The following LRRC7 variants were observed in gnomAD, a reference collection of about 807,000 sequenced individuals.
LRRC7 encodes the protein leucine rich repeat containing 7.
Under a neutral mutation model 175.7 loss-of-function variants are expected in LRRC7, and 23 were observed. The observed-to-expected ratio is 0.13, with a 90% CI of 0.09 to 0.19. The LOEUF (loss-of-function observed/expected upper bound fraction) is 0.19, where lower values mean the gene tolerates loss of function less well. Among genes scored for constraint, LRRC7 ranks in the 10% least tolerant of loss-of-function variants. The pLI, the probability that LRRC7 is intolerant of heterozygous loss-of-function variation, is 1.00. For synonymous variants in LRRC7, 685 were observed against 680.9 expected (o/e 1.01, Z -0.09); for missense variants, 1,354 against 1,904.7 (o/e 0.71, Z 5.38).
chr1:70,054,968 C>G (rs1661041525), intron 23 of LRRC7, among the ~76,000 whole-genome samples: 1 of 152,152 alleles, frequency 6.6e-6, no homozygotes, highest in Non-Finnish European at 1.5e-5. Flanking sequence ...CATACTTACA[C>G]TCTTTGTTAC....
rs1570313773 is a variant in LRRC7 at position 69,849,572 on chromosome 1, T to C, written c.647+11289T>C. Reference sequence around the variant, plus strand: ...ATTTTAAAATATATGTATTTTAATATATATACTTTAGTTTTATAAAAGGAA... The same window carrying C: ...ATTTTAAAATATATGTATTTTAATACATATACTTTAGTTTTATAAAAGGAA... On this transcript the variant is annotated intron_variant, in intron 7 of 26. Coordinates refer to ENST00000651989, the MANE Select transcript of LRRC7 (RefSeq NM_001370785.2). 2.0e-5 allele frequency among the ~76,000 whole-genome samples: 3 copies of C among 152,070 alleles called. No individual in the cohort carries two copies. In the South Asian group the frequency reaches 6.2e-4, roughly 32 times the overall value.
intron 25 of LRRC7, 72 bp downstream of exon 25, chr1:70,089,891 A>T: frequency 1.7e-6 from 2 of 1,156,530 alleles, no homozygotes; most frequent in South Asian, 2.8e-5. Context: ...AAGGTTAGAA[A>T]AAAATTCAAG....
chr1:69,910,347 C>T (rs533649359), intron 7 of LRRC7, among the ~76,000 whole-genome samples: 24 of 152,232 alleles, frequency 1.6e-4, no homozygotes, highest in South Asian at 1.2e-3. Flanking sequence ...ATGATGGTGA[C>T]GTACAGAAGG....
chr1:70,036,324 C>T, intron 19 of LRRC7, 92 bp downstream of exon 19: 1 of 1,382,034 alleles, frequency 7.2e-7, no homozygotes, highest in Non-Finnish European at 1.0e-6. Flanking sequence ...ATATTCTATA[C>T]AAATGTTTTA....
In LRRC7 at chr1:70,128,628, C is replaced by T. The variant is rs1666542915; in HGVS notation, c.*6741C>T. 1 of 151,946 alleles carries T rather than the reference C, an allele frequency of 6.6e-6. No homozygotes were observed. Among genetic ancestry groups the T allele is most frequent in the Admixed American group, 6.6e-5 (1 of 15,250 alleles). 9.4% of individuals were successfully genotyped at this position (151,946 alleles called of 1,614,324 possible). On this transcript the variant is annotated 3_prime_UTR_variant, in exon 27 of 27. Coordinates refer to ENST00000651989, the MANE Select transcript of LRRC7 (RefSeq NM_001370785.2). ...GGAGACATTTCATTGAAGAATATAA[C>T]AAAAACATTAAATATTATGATTATA...
rs1169678453 is a variant in LRRC7 at position 69,717,838 on chromosome 1, GAAAAA to G, written c.100+39362_100+39366del. Among the ~76,000 whole-genome samples the G allele has an allele frequency of 2.6e-3, 77 of 29,170 alleles. 8 individuals are homozygous for G. The highest frequency in any genetic ancestry group is 6.4e-3 in the East Asian group (7 of 1,098). 19.1% of individuals were successfully genotyped at this position (29,170 alleles called of 152,430 possible). A position where few individuals can be genotyped will look rare whatever the true frequency, so the allele number is the denominator to read the frequency against. On this transcript the variant is annotated intron_variant, in intron 2 of 26. Coordinates refer to ENST00000651989, the MANE Select transcript of LRRC7 (RefSeq NM_001370785.2). ...AGAAAGAAAGAAAGAAAGAAAGAAA[GAAAAA>G]AGAAAGAAAGGAAAGAAAGAAAGAA... is the stretch of plus-strand genomic sequence containing the variant.
chr1:69,968,826 G>T (rs974633923), intron 8 of LRRC7, among the ~76,000 whole-genome samples: 10 of 147,342 alleles, frequency 6.8e-5, no homozygotes, highest in Non-Finnish European at 1.2e-4. Flanking sequence ...TTTTGTTTTT[G>T]TTTTTTTTTT....
At chr1:69,928,631 C>G (rs994458401) in intron 7 of LRRC7, among the ~76,000 whole-genome samples, 3 of 152,238 alleles carry the variant, frequency 2.0e-5, no homozygotes, top group Admixed American at 6.5e-5. Flanking sequence ...ATGTAATCTC[C>G]TGGTGCGCCA....
intron 7 of LRRC7, among the ~76,000 whole-genome samples, chr1:69,843,113 C>T (rs1681916601): frequency 1.3e-5 from 2 of 151,960 alleles, no homozygotes; most frequent in African/African-American, 2.4e-5. Flanking sequence ...GCAACTGAAT[C>T]GCTTGAACCT....
rs139676973 is a variant in LRRC7 at position 69,668,619 on chromosome 1, T to A, written c.3-9762T>A. ...TGCAATAAACATATGTGTGCATTTG[T>A]CTTTATAGTAGAATGATTTATTATC... is the stretch of plus-strand genomic sequence containing the variant. On this transcript the variant is annotated intron_variant, in intron 1 of 26. Coordinates refer to ENST00000651989, the MANE Select transcript of LRRC7 (RefSeq NM_001370785.2). Among the ~76,000 whole-genome samples, 1,395 of 152,346 alleles carry A rather than the reference T, an allele frequency of 9.2e-3. 24 individuals are homozygous for A. The highest frequency in any genetic ancestry group is 0.032 in the African/African-American group (1,328 of 41,572).
chr1:69,710,031 A>G (rs1458410396), intron 2 of LRRC7, among the ~76,000 whole-genome samples: 1 of 152,088 alleles, frequency 6.6e-6, no homozygotes, highest in Non-Finnish European at 1.5e-5. Flanking sequence ...TAATCTTAGC[A>G]CTTTGGGAGG....
chr1:70,078,049 A>G (rs1662912958), intron 24 of LRRC7, among the ~76,000 whole-genome samples: 1 of 152,178 alleles, frequency 6.6e-6, no homozygotes, highest in Non-Finnish European at 1.5e-5. Context: ...TGTATTGTAC[A>G]TTTCAAAATA....
chr1:69,938,041 A>G (rs776932477), intron 8 of LRRC7, among the ~76,000 whole-genome samples: 6 of 152,114 alleles, frequency 3.9e-5, no homozygotes, highest in Non-Finnish European at 5.9e-5. Flanking sequence ...AGAACAAAAT[A>G]TGATTTTAAA....
chr1:70,054,578 C>CTTTTTTTTTTT lies in LRRC7; in HGVS notation c.4230+1454_4230+1464dup, dbSNP rs35639787. Among the ~76,000 whole-genome samples the CTTTTTTTTTTT allele has an allele frequency of 5.6e-5, 3 of 53,834 alleles. 1 individual carries two copies. The highest frequency in any genetic ancestry group is 1.1e-3 in the East Asian group (2 of 1,874). The allele number at this position is 53,834 out of a possible 152,430, so 35.3% of individuals were successfully genotyped here. A position where few individuals can be genotyped will look rare whatever the true frequency, so the allele number is the denominator to read the frequency against. ...TTGAATTATGGTTCTTTACACTCTA[C>CTTTTTTTTTTT]TTTTTTTTTTTTTTTTTTTTTTTTT... is the stretch of plus-strand genomic sequence containing the variant. On this transcript the variant is annotated intron_variant, in intron 23 of 26. Transcript: ENST00000651989.
intron 7 of LRRC7, among the ~76,000 whole-genome samples, chr1:69,859,526 T>G (rs1306913006): frequency 1.3e-5 from 2 of 152,086 alleles, no homozygotes; most frequent in Non-Finnish European, 2.9e-5. Context: ...AGTGAAGGTT[T>G]TTATTATTAG....
At chr1:69,608,804 CTCTG>C in intron 1 of LRRC7, among the ~76,000 whole-genome samples, 1 of 89,608 alleles carries the variant, frequency 1.1e-5, no homozygotes, top group Admixed American at 1.4e-4. Flanking sequence ...CTATAAGTTG[CTCTG>C]TCTGTCTCTC....
At chr1:70,110,575 A>G (rs962975512) in intron 26 of LRRC7, among the ~76,000 whole-genome samples, 4 of 152,030 alleles carry the variant, frequency 2.6e-5, no homozygotes, top group African/African-American at 9.7e-5. Context: ...GTAGGAAGAA[A>G]TTTTCAGCCA....
chr1:69,985,227 GCTGT>G (rs1413028695), intron 9 of LRRC7, among the ~76,000 whole-genome samples: 2 of 152,208 alleles, frequency 1.3e-5, no homozygotes, highest in African/African-American at 4.8e-5. Flanking sequence ...CCCATACTTA[GCTGT>G]CTTATTCTTG....
At chr1:69,767,057 C>T (rs1014764685) in intron 3 of LRRC7, among the ~76,000 whole-genome samples, 28 of 151,626 alleles carry the variant, frequency 1.8e-4, no homozygotes, top group African/African-American at 6.3e-4. Flanking sequence ...TGTTTCTCCT[C>T]GCCCCTGGCA....
Sources: gnomAD v4.1 joint callset for allele counts (sites outside exome capture counted in the v4.1 genomes callset) on GRCh38, gnomAD v4.1.1 for gene constraint, MANE v1.5 for transcripts, NCBI Gene and HGNC (gene_info 2026-07-23, HGNC 2026-07-21) for gene names.